Variants in PCDH17 observed in about 807,000 individuals in gnomAD.
PCDH17 encodes protocadherin 17, also known as protocadherin-17.
In PCDH17, 21 loss-of-function variants were observed where a neutral mutation model predicts 67.7. The ratio of observed to expected loss-of-function variants is 0.31; its 90% confidence interval spans 0.22 to 0.45. The LOEUF is 0.45. Ranked by LOEUF, PCDH17 falls within the 20% of genes least tolerant of loss-of-function variation. The probability of loss-of-function intolerance (pLI) is 1.00; values close to 1 mark genes in which losing one functional copy is unlikely to be tolerated. For missense variants in PCDH17, 1,471 were observed against 1,564.8 expected (o/e 0.94, Z 1.01); for synonymous variants, 701 against 656.7 (o/e 1.07, Z -1.03).
chr13:57,647,341 G>C (rs1180833462), intron 1 of PCDH17, among the ~76,000 whole-genome samples: 1 of 151,754 alleles, frequency 6.6e-6, no homozygotes, highest in Admixed American at 6.6e-5. Flanking sequence ...ATGCTGACCT[G>C]TTCTAATTCT....
chr13:57,714,876 G>A (rs1318082207), intron 3 of PCDH17, among the ~76,000 whole-genome samples: 6 of 151,712 alleles, frequency 4.0e-5, no homozygotes, highest in Non-Finnish European at 7.4e-5. Flanking sequence ...AAAGAGAAAC[G>A]TAGCAGAGAA....
intron 3 of PCDH17, among the ~76,000 whole-genome samples, chr13:57,712,174 T>C (rs1955782677): frequency 6.6e-6 from 1 of 151,766 alleles, no homozygotes; most frequent in Non-Finnish European, 1.5e-5. Flanking sequence ...ATAGTTTAAT[T>C]GTAGTTCACT....
At chr13:57,701,729 C>CTATT (rs1405232846) in intron 3 of PCDH17, among the ~76,000 whole-genome samples, 31 of 152,094 alleles carry the variant, frequency 2.0e-4, no homozygotes, top group African/African-American at 7.5e-4. Flanking sequence ...AATTCTGATT[C>CTATT]TATTTATTAC....
intron 3 of PCDH17, among the ~76,000 whole-genome samples, chr13:57,718,716 T>C (rs1158350141): frequency 6.6e-6 from 1 of 151,996 alleles, no homozygotes; most frequent in African/African-American, 2.4e-5. Context: ...ATTAGAGGTA[T>C]GTTGGACCAT....
At position 57,723,464 on chromosome 13, in the gene PCDH17, A is replaced by G. The variant is rs912622704; in HGVS notation, c.2798-1148A>G. Among the ~76,000 whole-genome samples the G allele has an allele frequency of 3.3e-5, 5 of 152,172 alleles. 1 individual carries two copies. Among genetic ancestry groups the G allele is most frequent in the Admixed American group, 3.3e-4 (5 of 15,262 alleles). ...TATTTTAAATATATGTTTCATGTGG[A>G]CATCCTTTTCTTGCACAGGACACTC... is the stretch of plus-strand genomic sequence containing the variant. On this transcript the variant is annotated intron_variant, in intron 3 of 3. Coordinates refer to ENST00000377918, the MANE Select transcript of PCDH17 (RefSeq NM_001040429.3).
In PCDH17 at chr13:57,632,343, G is replaced by A. The variant is rs1954736204; in HGVS notation, c.-204G>A. ...CCGCAGCTTCTCACCCAGTGCGGAT[G>A]CTGTAGATCAACAGGTTCAGGGAAC... On this transcript the variant is annotated 5_prime_UTR_variant, in exon 1 of 4. An upstream start codon of the reference 5' UTR is lost. Transcript: ENST00000377918. 5.0e-6 allele frequency: 3 copies of A among 599,530 alleles called. No individual in the cohort carries two copies. Among genetic ancestry groups the A allele is most frequent in the Non-Finnish European group, 8.8e-6 (3 of 340,496 alleles). The allele number at this position is 599,530 out of a possible 1,614,324, so 37.1% of individuals were successfully genotyped here. A position where few individuals can be genotyped will look rare whatever the true frequency, so the allele number is the denominator to read the frequency against.
intron 3 of PCDH17, among the ~76,000 whole-genome samples, chr13:57,683,715 A>G (rs1955479660): frequency 6.6e-6 from 1 of 151,800 alleles, no homozygotes; most frequent in Non-Finnish European, 1.5e-5. Context: ...GGACTCAGAA[A>G]CCGCCTTTCC....
chr13:57,710,273 C>T (rs899671304), intron 3 of PCDH17, among the ~76,000 whole-genome samples: 4 of 151,900 alleles, frequency 2.6e-5, no homozygotes, highest in African/African-American at 9.7e-5. Context: ...CTCAATTACA[C>T]ATCATATTAG....
Position 57,712,521 on chromosome 13 carries a change from C to T in PCDH17, c.2798-12091C>T, listed in dbSNP as rs114860352. On this transcript the variant is annotated intron_variant, in intron 3 of 3. Transcript: ENST00000377918. ...ATTTATTTTTTTAATAATAGAGTTG[C>T]CTAAAAAATTTATTTTGGCTAGATT... Among the ~76,000 whole-genome samples, 624 of 151,554 alleles carry T rather than the reference C, an allele frequency of 4.1e-3. 4 individuals are homozygous for T. The highest frequency in any genetic ancestry group is 0.015 in the African/African-American group (602 of 41,400).
chr13:57,694,745 C>T (rs1387039073), intron 3 of PCDH17, among the ~76,000 whole-genome samples: 2 of 150,194 alleles, frequency 1.3e-5, no homozygotes, highest in African/African-American at 2.4e-5. Context: ...CTCTGAAAAC[C>T]AAAAAAACAG....
chr13:57,704,444 T>A (rs570039255), intron 3 of PCDH17, among the ~76,000 whole-genome samples: 17 of 151,934 alleles, frequency 1.1e-4, no homozygotes, highest in Non-Finnish European at 1.5e-4. Context: ...ATTTTTTAAA[T>A]CTAATTTTGC....
upstream of PCDH17, among the ~76,000 whole-genome samples, chr13:57,630,630 C>T (rs1954706444): frequency 6.6e-6 from 1 of 152,220 alleles, no homozygotes; most frequent in Non-Finnish European, 1.5e-5. Context: ...TCCAGAACCT[C>T]GGACTCCGGC....
At position 57,634,867 on chromosome 13, in the gene PCDH17, T is replaced by C. The variant is rs778662723; in HGVS notation, c.2321T>C (p.Val774Ala). 5.6e-6 allele frequency: 9 copies of C among 1,613,884 alleles called. No homozygotes were observed. The highest frequency in any genetic ancestry group is 7.6e-6 in the Non-Finnish European group (9 of 1,180,012). ...GATATCATGCTGGTGCAGAGCGAAG[T>C]GGAGGAGAGGAACGCCATGAACGTC... Reference protein sequence around the residue: ...KNDIMLVQSEVEERNAMNVMN... With the variant: ...KNDIMLVQSEAEERNAMNVMN... The change falls in exon 1 of 4, where the codon GTG becomes GCG. Residue 774 changes from valine to alanine, a missense_variant. Val to Ala is a moderately conservative substitution (Grantham distance 64). Coordinates refer to ENST00000377918, the MANE Select transcript of PCDH17 (RefSeq NM_001040429.3). This position sits in a 1 kb window ranked among gnomAD's most constrained non-coding sequence, Gnocchi z 7.8.
At chr13:57,705,536 C>T (rs1283927585) in intron 3 of PCDH17, among the ~76,000 whole-genome samples, 1 of 151,976 alleles carries the variant, frequency 6.6e-6, no homozygotes, top group Non-Finnish European at 1.5e-5. Context: ...ATCCAAATAC[C>T]CATACTCATA....
intron 1 of PCDH17, among the ~76,000 whole-genome samples, chr13:57,661,832 T>C (rs956269199): frequency 3.9e-5 from 6 of 152,126 alleles, no homozygotes; most frequent in Admixed American, 3.9e-4. Context: ...AATACTGCAG[T>C]CTTCATTAGT....
chr13:57,676,533 C>A (rs1955393013), intron 3 of PCDH17, among the ~76,000 whole-genome samples: 1 of 151,710 alleles, frequency 6.6e-6, no homozygotes, highest in Admixed American at 6.6e-5. Context: ...TATAAACTTG[C>A]AAGTTATTGG....
intron 3 of PCDH17, among the ~76,000 whole-genome samples, chr13:57,706,041 C>A (rs1593942060): frequency 1.3e-5 from 2 of 151,012 alleles, no homozygotes; most frequent in Admixed American, 1.3e-4. Flanking sequence ...ATACCCTTAC[C>A]TTTCAATAGG....
At chr13:57,655,243 T>G (rs542581965) in intron 1 of PCDH17, among the ~76,000 whole-genome samples, 6 of 152,116 alleles carry the variant, frequency 3.9e-5, no homozygotes, top group Admixed American at 3.9e-4. Context: ...GAGAGACAAC[T>G]AAATTTGTTG....
intron 1 of PCDH17, among the ~76,000 whole-genome samples, chr13:57,659,102 A>ATT (rs759853704): frequency 5.7e-5 from 4 of 70,618 alleles, no homozygotes; most frequent in Non-Finnish European, 1.2e-4. Context: ...GGTTATTTAT[A>ATT]TTGTGTGTGT....
Sources: gnomAD v4.1 joint callset for allele counts (sites outside exome capture counted in the v4.1 genomes callset) on GRCh38, gnomAD v4.1.1 for gene constraint, Gnocchi (gnomAD v3.1) non-coding constraint, MANE v1.5 for transcripts, NCBI Gene and HGNC (gene_info 2026-07-23, HGNC 2026-07-21) for gene names.